RORA: variants seen among roughly 807,000 people sequenced by gnomAD.
RORA encodes nuclear receptor ROR-alpha.
A neutral mutation model predicts 69.5 loss-of-function variants in RORA; 7 were observed. That is an observed-to-expected ratio of 0.10 (90% CI 0.06 to 0.19). The LOEUF (loss-of-function observed/expected upper bound fraction) is 0.19, where lower values mean the gene tolerates loss of function less well. RORA is among the 10% of genes least tolerant of loss of function. The pLI is 1.00. For missense variants in RORA, 457 were observed against 663.0 expected, an observed-to-expected ratio of 0.69 and a Z score of 3.41; for synonymous variants, 261 against 240.8, an observed-to-expected ratio of 1.08 and a Z score of -0.78.
At chr15:60,789,836 T>C (rs1595716350) in intron 1 of RORA, among the ~76,000 whole-genome samples, 1 of 152,214 alleles carries the variant, frequency 6.6e-6, no homozygotes, top group Admixed American at 6.5e-5. Context: ...AATTCCTTGC[T>C]TGTAACAAGC....
At chr15:60,842,821 A>C (rs1304130392) in intron 1 of RORA, among the ~76,000 whole-genome samples, 1 of 152,090 alleles carries the variant, frequency 6.6e-6, no homozygotes, top group African/African-American at 2.4e-5. Context: ...TCAGCCTTCA[A>C]AGTAGAAGAT....
At chr15:60,559,883 A>C (rs1363666434) in intron 2 of RORA, among the ~76,000 whole-genome samples, 1 of 152,216 alleles carries the variant, frequency 6.6e-6, no homozygotes, top group Admixed American at 6.5e-5. Context: ...AGCCAAATAC[A>C]CATAACTTTA....
chr15:60,496,314 C>G lies in RORA; in HGVS notation c.*1141G>C, dbSNP rs1459601229. On this transcript the variant is annotated 3_prime_UTR_variant, in exon 11 of 11. Coordinates refer to ENST00000335670, the MANE Select transcript of RORA (RefSeq NM_134261.3). The surrounding 1 kb of genome is among the most constrained non-coding windows in gnomAD (Gnocchi z 4.5). ...TCCTTCTTATAATAAAAGCTAGATT[C>G]CAATAAATATTCTGGTTGTTGATTT... 1 of 152,096 alleles carries G rather than the reference C, an allele frequency of 6.6e-6. No homozygotes were observed. The highest frequency in any genetic ancestry group is 2.4e-5 in the African/African-American group (1 of 41,404). 9.4% of individuals were successfully genotyped at this position (152,096 alleles called of 1,614,324 possible). A position where few individuals can be genotyped will look rare whatever the true frequency, so the allele number is the denominator to read the frequency against.
intron 1 of RORA, among the ~76,000 whole-genome samples, chr15:60,968,961 T>C (rs1325831209): frequency 6.6e-6 from 1 of 152,224 alleles, no homozygotes; most frequent in Non-Finnish European, 1.5e-5. Flanking sequence ...TTGACATTCA[T>C]AACCTTAACA....
chr15:60,491,481 A>C lies in RORA; in HGVS notation c.*5974T>G, dbSNP rs2065040168. The C allele has an allele frequency of 6.6e-6, 1 of 152,112 alleles. No individual in the cohort carries two copies. The highest frequency in any genetic ancestry group is 1.5e-5 in the Non-Finnish European group (1 of 68,012). The allele number at this position is 152,112 out of a possible 1,614,324, so 9.4% of individuals were successfully genotyped here. A position where few individuals can be genotyped will look rare whatever the true frequency, so the allele number is the denominator to read the frequency against. ...TATTCATATTCACTTTCTCAATATA[A>C]GACTCCATGTTATGTTGCATCACTG... On this transcript the variant is annotated 3_prime_UTR_variant, in exon 11 of 11. Transcript: ENST00000335670.
At chr15:61,178,780 AT>A (rs2140901672) in intron 1 of RORA, among the ~76,000 whole-genome samples, 1 of 152,326 alleles carries the variant, frequency 6.6e-6, no homozygotes, top group African/African-American at 2.4e-5. Context: ...TTACATATAA[AT>A]GACAAACAAC....
intron 1 of RORA, among the ~76,000 whole-genome samples, chr15:60,794,581 A>G (rs1423907850): frequency 6.6e-6 from 1 of 152,244 alleles, no homozygotes; most frequent in Non-Finnish European, 1.5e-5. Context: ...GCTTTTAGAT[A>G]TCCAAACCTC....
intron 1 of RORA, among the ~76,000 whole-genome samples, chr15:61,022,008 C>T (rs926114046): frequency 2.0e-5 from 3 of 152,130 alleles, no homozygotes; most frequent in Non-Finnish European, 4.4e-5. Context: ...TGTGCTGACC[C>T]AAGGGAGCCT....
chr15:61,088,453 A>T (rs1595971237), intron 1 of RORA, among the ~76,000 whole-genome samples: 1 of 152,206 alleles, frequency 6.6e-6, no homozygotes. Flanking sequence ...GTTTGGTACT[A>T]AAGAAGCAAA....
chr15:61,067,313 T>C (rs1196984760), intron 1 of RORA, among the ~76,000 whole-genome samples: 1 of 151,906 alleles, frequency 6.6e-6, no homozygotes. Flanking sequence ...GGTTTTACTA[T>C]GTCAGTCAGG....
At chr15:61,183,961 A>T (rs1481245551) in intron 1 of RORA, among the ~76,000 whole-genome samples, 1 of 152,064 alleles carries the variant, frequency 6.6e-6, no homozygotes, top group Admixed American at 6.6e-5. Context: ...GGCTGCTCCC[A>T]CACACCTCTG....
At position 60,531,648 on chromosome 15, in the gene RORA, TTTC is replaced by T; in HGVS notation, c.282+115_282+117del. On this transcript the variant is annotated intron_variant, in intron 3 of 10. Coordinates refer to ENST00000335670, the MANE Select transcript of RORA (RefSeq NM_134261.3). This position sits in a 1 kb window ranked among gnomAD's most constrained non-coding sequence, Gnocchi z 4.8. ...CCAAAATATTTCTTCTATCCTGTAA[TTTC>T]TTATCATTCAAAATTCTAAGGAGTT... 6.5e-6 allele frequency: 4 copies of T among 619,602 alleles called. No individual in the cohort carries two copies. Among genetic ancestry groups the T allele is most frequent in the South Asian group, 4.2e-5 (2 of 47,454 alleles). The allele number at this position is 619,602 out of a possible 1,614,324, so 38.4% of individuals were successfully genotyped here. A position where few individuals can be genotyped will look rare whatever the true frequency, so the allele number is the denominator to read the frequency against.
At chr15:61,030,504 G>C (rs1896105307) in intron 1 of RORA, among the ~76,000 whole-genome samples, 3 of 152,158 alleles carry the variant, frequency 2.0e-5, no homozygotes, top group African/African-American at 7.2e-5. Context: ...GAGGTAGAGT[G>C]GGTTTTAGAA....
intron 1 of RORA, among the ~76,000 whole-genome samples, chr15:60,869,784 G>T (rs149774543): frequency 2.0e-3 from 308 of 152,306 alleles, no homozygotes; most frequent in African/African-American, 6.6e-3. Flanking sequence ...CATAAGCGAT[G>T]CTAGCCCTAA....
chr15:61,059,462 T>G (rs536793495), intron 1 of RORA, among the ~76,000 whole-genome samples: 1 of 152,364 alleles, frequency 6.6e-6, no homozygotes, highest in South Asian at 2.1e-4. Context: ...CTGAGTAGCA[T>G]AGAGTTATTC....
At chr15:60,642,947 A>G (rs529294035) in intron 2 of RORA, among the ~76,000 whole-genome samples, 24 of 152,246 alleles carry the variant, frequency 1.6e-4, no homozygotes, top group African/African-American at 5.5e-4. Context: ...GCTTGAGCCC[A>G]GGAGTTTGAG....
intron 1 of RORA, among the ~76,000 whole-genome samples, chr15:61,023,856 G>A (rs1223580100): frequency 6.6e-6 from 1 of 152,130 alleles, no homozygotes; most frequent in African/African-American, 2.4e-5. Flanking sequence ...GTCTTCATCA[G>A]TAGATAACTC....
At chr15:60,933,355 G>C (rs1488301615) in intron 1 of RORA, among the ~76,000 whole-genome samples, 2 of 152,162 alleles carry the variant, frequency 1.3e-5, no homozygotes, top group Non-Finnish European at 2.9e-5. Flanking sequence ...AATGTACTGT[G>C]CATTTCCCAT....
intron 1 of RORA, among the ~76,000 whole-genome samples, chr15:61,127,823 C>T (rs899538175): frequency 6.6e-6 from 1 of 152,178 alleles, no homozygotes; most frequent in Non-Finnish European, 1.5e-5. Flanking sequence ...CCGTCCAGTT[C>T]TCCGGTGAGG....
Sources: gnomAD v4.1 joint callset for allele counts (sites outside exome capture counted in the v4.1 genomes callset) on GRCh38, gnomAD v4.1.1 for gene constraint, Gnocchi (gnomAD v3.1) non-coding constraint, MANE v1.5 for transcripts, NCBI Gene and HGNC (gene_info 2026-07-23, HGNC 2026-07-21) for gene names.